Variants in TENM2 observed in about 807,000 individuals in gnomAD.
TENM2 encodes teneurin transmembrane protein 2, also known as teneurin-2.
Under a neutral mutation model 245.2 loss-of-function variants are expected in TENM2, and 52 were observed. The observed-to-expected ratio is 0.21, with a 90% CI of 0.17 to 0.27. TENM2 has a LOEUF of 0.27. TENM2 is among the 10% of genes least tolerant of loss of function. TENM2 has a pLI of 1.00. For synonymous variants in TENM2, 1,363 were observed against 1,438.9 expected, an observed-to-expected ratio of 0.95 and a Z score of 1.19; for missense variants, 3,046 against 3,666.8, an observed-to-expected ratio of 0.83 and a Z score of 4.37.
the TENM2 span, among the ~76,000 whole-genome samples, chr5:167,105,254 A>C: frequency 1.3e-5 from 2 of 152,334 alleles, no homozygotes; most frequent in Middle Eastern, 3.4e-3. Flanking sequence ...GTATTCTCAA[A>C]AAAATTCAAG....
chr5:167,529,570 A>G (rs1335240001), intron 2 of TENM2, among the ~76,000 whole-genome samples: 2 of 152,226 alleles, frequency 1.3e-5, no homozygotes, highest in African/African-American at 4.8e-5. Flanking sequence ...ATGTCTGAAC[A>G]CATGAGTAAA....
intron 2 of TENM2, among the ~76,000 whole-genome samples, chr5:167,765,552 A>T (rs1269179403): frequency 6.6e-6 from 1 of 152,208 alleles, no homozygotes; most frequent in Non-Finnish European, 1.5e-5. Flanking sequence ...TTTTGGCCTA[A>T]TGGGCAGGAT....
the TENM2 span, among the ~76,000 whole-genome samples, chr5:167,135,152 A>G: frequency 1.3e-5 from 2 of 152,122 alleles, no homozygotes; most frequent in African/African-American, 2.4e-5. Flanking sequence ...TGGGGTTTAG[A>G]GCTCTGTTTT....
intron 3 of TENM2, among the ~76,000 whole-genome samples, chr5:167,921,055 A>G (rs32400): frequency 0.2 from 30,060 of 152,186 alleles, 3,445 homozygotes; most frequent in East Asian, 0.43. Context: ...CAAGCACCCA[A>G]AGATTTATGG....
intron 5 of TENM2, among the ~76,000 whole-genome samples, chr5:168,017,484 T>G (rs1785759323): frequency 1.3e-5 from 2 of 152,230 alleles, no homozygotes; most frequent in African/African-American, 2.4e-5. Context: ...CTTTGCTCAC[T>G]TTATTTGGCA....
chr5:167,495,126 C>T (rs963600455), intron 2 of TENM2, among the ~76,000 whole-genome samples: 3 of 151,998 alleles, frequency 2.0e-5, no homozygotes, highest in African/African-American at 7.2e-5. Context: ...ATGCCACCAT[C>T]GGTTTTGTAA....
chr5:168,059,754 C>T (rs1789871703), intron 6 of TENM2, among the ~76,000 whole-genome samples: 1 of 152,078 alleles, frequency 6.6e-6, no homozygotes, highest in South Asian at 2.1e-4. Flanking sequence ...ACAAGTGTTT[C>T]CCCCTGGACA....
At chr5:168,221,969 G>A (rs890972459) in intron 23 of TENM2, among the ~76,000 whole-genome samples, 2 of 152,188 alleles carry the variant, frequency 1.3e-5, no homozygotes, top group African/African-American at 4.8e-5. Context: ...CAGGAGCCCT[G>A]TGCTAATCCA....
the TENM2 span, among the ~76,000 whole-genome samples, chr5:167,152,291 A>G: frequency 6.6e-6 from 1 of 152,228 alleles, no homozygotes; most frequent in Non-Finnish European, 1.5e-5. Context: ...TGCACTTAGA[A>G]TATCATTATA....
At chr5:167,984,986 A>C (rs1446683402) in intron 4 of TENM2, among the ~76,000 whole-genome samples, 1 of 151,926 alleles carries the variant, frequency 6.6e-6, no homozygotes, top group East Asian at 1.9e-4. Context: ...TGGTTATTTA[A>C]CCTCTCTCCA....
intron 2 of TENM2, among the ~76,000 whole-genome samples, chr5:167,536,590 G>T (rs1158129180): frequency 6.6e-6 from 1 of 152,140 alleles, no homozygotes; most frequent in East Asian, 1.9e-4. Flanking sequence ...GAGAATAGTA[G>T]TCTATGAGTT....
At chr5:167,272,311 A>C in the TENM2 span, among the ~76,000 whole-genome samples, 1 of 152,190 alleles carries the variant, frequency 6.6e-6, no homozygotes, top group African/African-American at 2.4e-5. Context: ...TTTGGGAAAC[A>C]GGCAAAACAG....
At chr5:167,043,464 A>T in the TENM2 span, among the ~76,000 whole-genome samples, 3 of 152,146 alleles carry the variant, frequency 2.0e-5, no homozygotes, top group Non-Finnish European at 4.4e-5. Context: ...TAGATGTTTT[A>T]TTGGCAAGAA....
chr5:167,165,159 T>C, the TENM2 span: 1 of 152,220 alleles, frequency 6.6e-6, no homozygotes, highest in Non-Finnish European at 1.5e-5. Flanking sequence ...ATAAGTAACC[T>C]TCAAACTTCA....
chr5:168,159,717 C>T (rs1243036113), intron 12 of TENM2, among the ~76,000 whole-genome samples: 1 of 152,234 alleles, frequency 6.6e-6, no homozygotes, highest in African/African-American at 2.4e-5. Flanking sequence ...TGCCCTGAAA[C>T]TTCTCAGAGA....
the TENM2 span, among the ~76,000 whole-genome samples, chr5:167,084,326 G>GC: frequency 1.5e-4 from 1 of 6,748 alleles, no homozygotes; most frequent in South Asian, 6.0e-3. Flanking sequence ...AGCCATTTTA[G>GC]TTATATATAT....
chr5:167,859,079 G>T (rs1183757232), intron 2 of TENM2, among the ~76,000 whole-genome samples: 2 of 147,006 alleles, frequency 1.4e-5, no homozygotes, highest in Non-Finnish European at 3.0e-5. Flanking sequence ...GTCTCTGCCC[G>T]GCCGCCCATC....
chr5:167,294,165 A>G (rs1754816727), intron 1 of TENM2: 1 of 152,222 alleles, frequency 6.6e-6, no homozygotes, highest in African/African-American at 2.4e-5. Flanking sequence ...GGTTATGGCA[A>G]CTGACAAGAT....
rs527782685 is a variant in TENM2 at position 167,293,221 on chromosome 5, G to A, written c.226+8158G>A. On this transcript the variant is annotated intron_variant, in intron 1 of 28. Coordinates refer to ENST00000518659, the Ensembl canonical transcript of TENM2. ...TTTTTTGTTTGTTTGTTTGTTTTAAGGCAGAGCTTCACTCTTGTTGCCCAG... is the reference window on the plus strand; with the variant it reads ...TTTTTTGTTTGTTTGTTTGTTTTAAAGCAGAGCTTCACTCTTGTTGCCCAG... 6.6e-5 allele frequency among the ~76,000 whole-genome samples: 10 copies of A among 152,148 alleles called. No individual in the cohort carries two copies. The East Asian group carries it at 1.9e-3, about 29-fold the overall frequency.
Sources: gnomAD v4.1 joint callset for allele counts (sites outside exome capture counted in the v4.1 genomes callset) on GRCh38, gnomAD v4.1.1 for gene constraint, MANE v1.5 for transcripts, NCBI Gene and HGNC (gene_info 2026-07-23, HGNC 2026-07-21) for gene names.